Variants in IFT88 observed in about 807,000 individuals in gnomAD.
The protein encoded by IFT88 is intraflagellar transport protein 88 homolog.
Under a neutral mutation model 119.5 loss-of-function variants are expected in IFT88, and 74 were observed. The observed-to-expected ratio is 0.62, with a 90% confidence interval of 0.51 to 0.75. The LOEUF (loss-of-function observed/expected upper bound fraction) is 0.75. Ranked by LOEUF, IFT88 falls within the 30% of genes least tolerant of loss-of-function variation. IFT88 has a pLI of 0.00. For synonymous variants in IFT88, 279 were observed against 316.7 expected, an observed-to-expected ratio of 0.88 and a Z score of 1.26; for missense variants, 961 against 977.7, an observed-to-expected ratio of 0.98 and a Z score of 0.23.
chr13:20,588,188 CAGTTTT>C (rs1378734857), intron 3 of IFT88, among the ~76,000 whole-genome samples: 2 of 151,994 alleles, frequency 1.3e-5, no homozygotes, highest in Admixed American at 6.6e-5. Flanking sequence ...TATAAATTAA[CAGTTTT>C]ACTACTGCCT....
chr13:20,614,471 G>T (rs2045238283), intron 13 of IFT88: 1 of 152,238 alleles, frequency 6.6e-6, no homozygotes, highest in East Asian at 1.9e-4. Context: ...AATTCTGGAA[G>T]ATTATATATA....
intron 1 of IFT88, among the ~76,000 whole-genome samples, chr13:20,570,860 G>C (rs551992428): frequency 6.6e-6 from 1 of 151,854 alleles, no homozygotes; most frequent in Non-Finnish European, 1.5e-5. Context: ...ATGAATTATA[G>C]TTCAAAAACT....
At chr13:20,604,031 A>T (rs560872038) in intron 12 of IFT88, among the ~76,000 whole-genome samples, 10 of 152,218 alleles carry the variant, frequency 6.6e-5, no homozygotes, top group Non-Finnish European at 1.3e-4. Context: ...ATTGCTCTCC[A>T]GCCTGGATGA....
intron 24 of IFT88, among the ~76,000 whole-genome samples, 160 bp downstream of exon 24, chr13:20,671,199 T>C (rs974623497): frequency 6.6e-6 from 1 of 152,246 alleles, no homozygotes; most frequent in African/African-American, 2.4e-5. Flanking sequence ...GCAGTCAGTC[T>C]GATATGTAAA....
chr13:20,681,237 C>G (rs2057291433), intron 24 of IFT88, among the ~76,000 whole-genome samples: 1 of 152,216 alleles, frequency 6.6e-6, no homozygotes, highest in African/African-American at 2.4e-5. Context: ...TGAAGCGTTG[C>G]AGAAGATGCC....
At chr13:20,593,552 T>G (rs894967175) in intron 7 of IFT88, among the ~76,000 whole-genome samples, 1 of 152,030 alleles carries the variant, frequency 6.6e-6, no homozygotes, top group African/African-American at 2.4e-5. Context: ...TTATTTAAAT[T>G]GTAATTCTTA....
chr13:20,641,575 A>G (rs957199667), intron 18 of IFT88, 177 bp downstream of exon 18: 12 of 461,952 alleles, frequency 2.6e-5, no homozygotes, highest in Middle Eastern at 5.7e-4. Context: ...ATCCTATTTT[A>G]AGATGTAGTT....
At chr13:20,622,586 C>T (rs967621413) in intron 14 of IFT88, among the ~76,000 whole-genome samples, 1 of 152,136 alleles carries the variant, frequency 6.6e-6, no homozygotes. Flanking sequence ...CATATGATGT[C>T]GAGCATCTTT....
At chr13:20,607,379 A>G (rs2043670962) in intron 13 of IFT88, 4 of 597,222 alleles carry the variant, frequency 6.7e-6, no homozygotes, top group South Asian at 6.0e-5. Context: ...CATTAAGGCC[A>G]CCATGCCCAT....
chr13:20,645,673 T>C (rs2050638972), intron 20 of IFT88, among the ~76,000 whole-genome samples: 1 of 152,172 alleles, frequency 6.6e-6, no homozygotes, highest in Non-Finnish European at 1.5e-5. Flanking sequence ...GTTTTCAGTG[T>C]CTTTAAGTTC....
In IFT88 at chr13:20,679,243, G is replaced by T. The variant is rs2057048632; in HGVS notation, c.2242+8204G>T. ...ACATTACAGTTTGTCGGAGATCATT[G>T]ATTTGATTAGCTAGTTTCTGGTCTA... On this transcript the variant is annotated intron_variant, in intron 24 of 25. Coordinates refer to ENST00000351808, the MANE Select transcript of IFT88 (RefSeq NM_006531.5). 3.3e-5 allele frequency among the ~76,000 whole-genome samples: 5 copies of T among 152,302 alleles called. No individual in the cohort carries two copies. The South Asian group carries it at 8.3e-4, about 25-fold the overall frequency.
Position 20,596,134 on chromosome 13 carries a change from C to CTTTT in IFT88, c.399-15_399-12dup, listed in dbSNP as rs1283671094. ...GGTTGAATGATTTAAATTGTACCTG[C>CTTTT]TTTTGTCTTTAATAGCCCAGAGGAA... On this transcript the variant is annotated splice_polypyrimidine_tract_variant and intron_variant, in intron 7 of 25. Transcript: ENST00000351808. 9.2e-7 allele frequency: 1 copy of CTTTT among 1,086,672 alleles called. No individual in the cohort carries two copies. The highest frequency in any genetic ancestry group is 2.8e-5 in the East Asian group (1 of 36,024). 67.3% of individuals were successfully genotyped at this position (1,086,672 alleles called of 1,614,324 possible).
chr13:20,595,601 C>T (rs1227908563), intron 7 of IFT88, among the ~76,000 whole-genome samples: 2 of 151,970 alleles, frequency 1.3e-5, no homozygotes, highest in Admixed American at 1.3e-4. Context: ...TGTTACCTAC[C>T]TTGACTGTTG....
intron 16 of IFT88, among the ~76,000 whole-genome samples, chr13:20,633,253 G>A (rs768394696): frequency 5.3e-5 from 8 of 152,120 alleles, no homozygotes; most frequent in Non-Finnish European, 8.8e-5. Context: ...TATGGCTAGG[G>A]AAACCTCAGG....
chr13:20,669,559 G>C (rs1443563740), intron 23 of IFT88, among the ~76,000 whole-genome samples: 10 of 151,904 alleles, frequency 6.6e-5, no homozygotes, highest in African/African-American at 2.4e-4. Context: ...GAGTAGCTGA[G>C]ATTACAGGCG....
intron 20 of IFT88, among the ~76,000 whole-genome samples, chr13:20,646,189 C>T (rs188777975): frequency 1.2e-4 from 18 of 152,268 alleles, no homozygotes; most frequent in Admixed American, 5.2e-4. Flanking sequence ...TATTCTAGTC[C>T]CACAAGTTTT....
chr13:20,675,592 T>C (rs1024775500), intron 24 of IFT88, among the ~76,000 whole-genome samples: 1 of 152,162 alleles, frequency 6.6e-6, no homozygotes, highest in Admixed American at 6.5e-5. Context: ...TGTGCAGACT[T>C]TTTCTGTAAA....
At chr13:20,658,252 A>AG (rs397950713) in intron 22 of IFT88, among the ~76,000 whole-genome samples, 1 of 59,660 alleles carries the variant, frequency 1.7e-5, no homozygotes, top group Non-Finnish European at 6.4e-5. Context: ...ACACGCCACC[A>AG]TGCCCAACTA....
At chr13:20,682,177 A>G (rs1448906437) in intron 24 of IFT88, among the ~76,000 whole-genome samples, 4 of 152,214 alleles carry the variant, frequency 2.6e-5, no homozygotes, top group African/African-American at 7.2e-5. Context: ...CAGAGTAGCA[A>G]TTTGATCCAA....
Sources: gnomAD v4.1 joint callset for allele counts (sites outside exome capture counted in the v4.1 genomes callset) on GRCh38, gnomAD v4.1.1 for gene constraint, MANE v1.5 for transcripts, NCBI Gene and HGNC (gene_info 2026-07-23, HGNC 2026-07-21) for gene names.